Variants in DDHD2 observed in about 807,000 individuals in gnomAD.
DDHD2 encodes triacylglycerol hydrolase DDHD2.
Under a neutral mutation model 91.2 loss-of-function variants are expected in DDHD2, and 62 were observed. The ratio of observed to expected loss-of-function variants is 0.68; its 90% CI spans 0.55 to 0.84. DDHD2 has a LOEUF of 0.84. DDHD2 is among the 40% of genes least tolerant of loss of function. The pLI, the probability that DDHD2 is intolerant of heterozygous loss-of-function variation, is 0.00. For synonymous variants in DDHD2, 271 were observed against 293.9 expected (o/e 0.92, Z 0.80); for missense variants, 740 against 846.9 (o/e 0.87, Z 1.57).
At chr8:38,268,353 G>T (rs370633228) in intron 1 of DDHD2, 2 of 1,554,958 alleles carry the variant, frequency 1.3e-6, no homozygotes, top group South Asian at 1.2e-5. Flanking sequence ...AAACCGGCCC[G>T]AAAGGGCTAG....
At chr8:38,267,458 G>C, downstream of DDHD2, 1 of 1,581,404 alleles carries the variant, frequency 6.3e-7, no homozygotes, top group Non-Finnish European at 8.6e-7. Context: ...AGTTGTAGCA[G>C]ACATTAATAA....
chr8:38,253,207 T>A (rs1396139614), intron 15 of DDHD2, 80 bp downstream of exon 15: 16 of 1,335,248 alleles, frequency 1.2e-5, no homozygotes, highest in Non-Finnish European at 1.5e-5. Flanking sequence ...TTAATTTAAT[T>A]TAATTTCACA....
intron 5 of DDHD2, 192 bp downstream of exon 5, chr8:38,238,401 A>G (rs893003263): frequency 3.0e-5 from 40 of 1,345,388 alleles, no homozygotes; most frequent in Non-Finnish European, 3.8e-5. Flanking sequence ...ATCTTTTAAA[A>G]CATATGGTAG....
At chr8:38,235,676 G>A (rs1186381388) in intron 3 of DDHD2, among the ~76,000 whole-genome samples, 13 of 147,104 alleles carry the variant, frequency 8.8e-5, no homozygotes, top group African/African-American at 3.3e-4. Flanking sequence ...AGTGGAGATC[G>A]CACCATTGAA....
At chr8:38,271,294 AAAT>A (rs749848680) in exon 2 of DDHD2, 39 of 152,292 alleles carry the variant, frequency 2.6e-4, no homozygotes, top group African/African-American at 8.7e-4. Context: ...AAAGAAACTA[AAAT>A]AAGGAGAATC....
At chr8:38,233,936 A>AG (rs1437271673) in intron 2 of DDHD2, among the ~76,000 whole-genome samples, 19 of 151,934 alleles carry the variant, frequency 1.3e-4, no homozygotes, top group Admixed American at 3.3e-4. Context: ...TCAAAAAAAA[A>AG]AAAAGAAAAG....
At chr8:38,266,110 C>T, downstream of DDHD2, 1 of 1,602,026 alleles carries the variant, frequency 6.2e-7, no homozygotes, top group South Asian at 1.1e-5. Flanking sequence ...GTGAAATATG[C>T]AAGCTTCCAT....
downstream of DDHD2, chr8:38,263,311 G>A: frequency 4.7e-6 from 4 of 846,070 alleles, no homozygotes; most frequent in Non-Finnish European, 5.7e-6. Flanking sequence ...TGTGAAGAAG[G>A]GGCAGAAAAA....
chr8:38,253,076 A>G lies in DDHD2; in HGVS notation c.1840A>G (p.Thr614Ala). The part of the protein sequence containing the change: ...APYPALQASE[T>A]PEETEAEPES... ...ATACCCTGCCTTACAAGCTTCAGAA[A>G]CACCAGAAGAAACTGAAGCAGAACC... is the stretch of plus-strand genomic sequence containing the variant. The change falls in exon 15 of 18, where the codon ACA becomes GCA. Residue 614 changes from threonine to alanine, a missense_variant. This residue lies in a region of DDHD2 where 693 missense variants were observed against 764.2 expected (regional missense o/e 0.91). Transcript: ENST00000397166. The G allele has an allele frequency of 6.2e-7, 1 of 1,614,178 alleles. No individual in the cohort carries two copies. The highest frequency in any genetic ancestry group is 1.1e-5 in the South Asian group (1 of 91,078).
intron 3 of DDHD2, among the ~76,000 whole-genome samples, chr8:38,236,417 C>T (rs1047270934): frequency 3.3e-5 from 5 of 151,480 alleles, no homozygotes; most frequent in South Asian, 2.1e-4. Flanking sequence ...TCCAGTGGTG[C>T]GATCTCGGCT....
chr8:38,245,888 C>G lies in DDHD2; in HGVS notation c.995C>G (p.Thr332Arg). ...GCTTCTGAAATGAACCGAATATACA[C>G]ACTTTTTCTACAGAGGAACCCTGAT... ...TVASEMNRIY[T>R]LFLQRNPDFK... Residue 332 changes from threonine to arginine, a missense_variant, in exon 8 of 18, where the codon ACA (threonine) becomes AGA (arginine). Transcript: ENST00000397166. The G allele has an allele frequency of 6.2e-7, 1 of 1,614,142 alleles. No individual in the cohort carries two copies.
intron 7 of DDHD2, among the ~76,000 whole-genome samples, chr8:38,244,294 G>A (rs531913828): frequency 5.5e-4 from 82 of 150,450 alleles, no homozygotes; most frequent in African/African-American, 1.9e-3. Context: ...ATGGAGTGTC[G>A]CTCTGTCACC....
At chr8:38,258,330 G>A (rs1243709019) in intron 16 of DDHD2, among the ~76,000 whole-genome samples, 1 of 150,918 alleles carries the variant, frequency 6.6e-6, no homozygotes, top group Non-Finnish European at 1.5e-5. Flanking sequence ...TTGGCTCACT[G>A]CAACCTACGC....
At chr8:38,243,976 T>A (rs892222648) in intron 7 of DDHD2, among the ~76,000 whole-genome samples, 1 of 151,296 alleles carries the variant, frequency 6.6e-6, no homozygotes, top group Admixed American at 6.6e-5. Flanking sequence ...GCTAATTTTG[T>A]ATTTTTGGTA....
At position 38,233,000 on chromosome 8, in the gene DDHD2, A is replaced by C; in HGVS notation, c.6A>C (p.Ser2=). 1 of 1,613,936 alleles carries C rather than the reference A, an allele frequency of 6.2e-7. No homozygotes were observed. Among genetic ancestry groups the C allele is most frequent in the Non-Finnish European group, 8.5e-7 (1 of 1,179,928 alleles). Residue 2 remains serine, a synonymous_variant, in exon 2 of 18, where the codon TCA becomes TCC. Coordinates refer to ENST00000397166, the MANE Select transcript of DDHD2 (RefSeq NM_015214.3). Reference sequence around the variant, plus strand: ...TTTTGTCTTTAGAGAGCGAAATGTCATCAGTGCAGTCACAACAGGAGCAGT... The same window carrying C: ...TTTTGTCTTTAGAGAGCGAAATGTCCTCAGTGCAGTCACAACAGGAGCAGT... M[S]SVQSQQEQLS... is the part of the protein sequence containing the mutation.
chr8:38,258,252 A>C (rs1465273003), intron 16 of DDHD2, among the ~76,000 whole-genome samples: 1 of 151,258 alleles, frequency 6.6e-6, no homozygotes, highest in African/African-American at 2.4e-5. Flanking sequence ...AATTAATTAA[A>C]TTCTTTTTTT....
At chr8:38,236,169 C>T (rs1173532436) in intron 3 of DDHD2, among the ~76,000 whole-genome samples, 13 of 151,588 alleles carry the variant, frequency 8.6e-5, no homozygotes, top group East Asian at 3.9e-4. Context: ...CCCGCCACCA[C>T]GCCCAGCTAA....
At chr8:38,235,844 AC>A (rs1243528213) in intron 3 of DDHD2, among the ~76,000 whole-genome samples, 1 of 149,090 alleles carries the variant, frequency 6.7e-6, no homozygotes. Flanking sequence ...ACAAAGCAAG[AC>A]CCCACCACTA....
In DDHD2 at chr8:38,242,617, T is replaced by C. The variant is rs1194944620; in HGVS notation, c.848+232T>C. 3.9e-5 allele frequency among the ~76,000 whole-genome samples: 6 copies of C among 152,242 alleles called. No homozygotes were observed. The East Asian group carries it at 9.6e-4, about 24-fold the overall frequency. On this transcript the variant is annotated intron_variant, in intron 7 of 17. Coordinates refer to ENST00000397166, the MANE Select transcript of DDHD2 (RefSeq NM_015214.3). ...ACTAGTATTTACTGTTACAGCTTCATTGTATCTTTAGCATTAAAGCCAAAT... is the reference window on the plus strand; with the variant it reads ...ACTAGTATTTACTGTTACAGCTTCACTGTATCTTTAGCATTAAAGCCAAAT...
Sources: allele counts gnomAD v4.1 joint callset (sites outside exome capture counted in the v4.1 genomes callset), GRCh38; gene constraint gnomAD v4.1.1; regional missense constraint gnomAD v4.1.1; transcripts MANE v1.5; gene names NCBI Gene and HGNC (gene_info 2026-07-23, HGNC 2026-07-21).